Variants in PAWR observed in about 807,000 individuals in gnomAD.
PAWR encodes the protein pro-apoptotic WT1 regulator.
Under a neutral mutation model 32.0 loss-of-function variants are expected in PAWR, and 23 were observed. The observed-to-expected ratio is 0.72, with a 90% confidence interval of 0.52 to 1.02. The LOEUF is 1.02. Among genes scored for constraint, PAWR ranks in the 50% least tolerant of loss-of-function variants. PAWR has a pLI of 0.00. For synonymous variants in PAWR, 226 were observed against 187.1 expected (o/e 1.21, Z -1.70); for missense variants, 457 against 437.7 (o/e 1.04, Z -0.39).
rs1455956803 is a variant in PAWR, at chr12:79,587,600, T to C, written c.*5007A>G. The stretch of plus-strand genomic sequence containing the variant: ...CCCCACCACTAATGTATTTAGACCT[T>C]AATATGATGGCTTTGAGTCTTAAAT... On this transcript the variant is annotated 3_prime_UTR_variant, in exon 7 of 7. Coordinates refer to ENST00000328827, the MANE Select transcript of PAWR (RefSeq NM_002583.4). The C allele has an allele frequency of 6.6e-6, 1 of 152,030 alleles. No homozygotes were observed. Among genetic ancestry groups the C allele is most frequent in the African/African-American group, 2.4e-5 (1 of 41,446 alleles). The allele number at this position is 152,030 out of a possible 1,614,324, so 9.4% of individuals were successfully genotyped here.
chr12:79,644,410 T>C (rs1301366130), intron 2 of PAWR, among the ~76,000 whole-genome samples: 1 of 152,186 alleles, frequency 6.6e-6, no homozygotes, highest in Non-Finnish European at 1.5e-5. Context: ...GAAGTATTCA[T>C]TTACATACCT....
At chr12:79,664,457 T>C (rs775824866) in intron 2 of PAWR, among the ~76,000 whole-genome samples, 1 of 152,256 alleles carries the variant, frequency 6.6e-6, no homozygotes, top group Non-Finnish European at 1.5e-5. Context: ...CCAAAAACTT[T>C]AATACCAAGT....
intron 2 of PAWR, among the ~76,000 whole-genome samples, chr12:79,621,740 T>C (rs187640493): frequency 2.0e-5 from 3 of 152,156 alleles, no homozygotes; most frequent in Admixed American, 2.0e-4. Flanking sequence ...ATGGCTACAA[T>C]TTGGAATTGC....
At position 79,587,569 on chromosome 12, in the gene PAWR, G is replaced by A. The variant is rs1178819050; in HGVS notation, c.*5038C>T. The stretch of plus-strand genomic sequence containing the variant: ...CTTTTGTGCACTTCCTCATTTATTC[G>A]AGAAACCCCACCACTAATGTATTTA... On this transcript the variant is annotated 3_prime_UTR_variant, in exon 7 of 7. Transcript: ENST00000328827. 6.6e-6 allele frequency: 1 copy of A among 151,770 alleles called. No homozygotes were observed. The highest frequency in any genetic ancestry group is 2.4e-5 in the African/African-American group (1 of 41,352). The allele number at this position is 151,770 out of a possible 1,614,324, so 9.4% of individuals were successfully genotyped here. A position where few individuals can be genotyped will look rare whatever the true frequency, so the allele number is the denominator to read the frequency against.
intron 2 of PAWR, among the ~76,000 whole-genome samples, chr12:79,639,293 T>C (rs916017402): frequency 6.6e-6 from 1 of 152,186 alleles, no homozygotes; most frequent in Non-Finnish European, 1.5e-5. Flanking sequence ...TAATAATATC[T>C]AGTAATACCA....
intron 6 of PAWR, among the ~76,000 whole-genome samples, chr12:79,593,249 A>G (rs1255025950): frequency 6.6e-6 from 1 of 152,188 alleles, no homozygotes; most frequent in Non-Finnish European, 1.5e-5. Flanking sequence ...CTTGATCTGG[A>G]TCAATTTTGT....
intron 5 of PAWR, among the ~76,000 whole-genome samples, chr12:79,596,000 AC>A (rs1034547570): frequency 6.6e-6 from 1 of 152,204 alleles, no homozygotes. Flanking sequence ...TCTTTACATA[AC>A]ATATATAAAT....
intron 2 of PAWR, among the ~76,000 whole-genome samples, chr12:79,637,973 G>A (rs1876046562): frequency 6.6e-6 from 1 of 152,044 alleles, no homozygotes. Flanking sequence ...TTTAGTAGCT[G>A]CATAGTATTA....
intron 2 of PAWR, among the ~76,000 whole-genome samples, chr12:79,685,692 A>G (rs919304353): frequency 1.3e-5 from 2 of 152,208 alleles, no homozygotes; most frequent in African/African-American, 4.8e-5. Context: ...TTAGAGGGTC[A>G]GAGGCAATCT....
chr12:79,660,868 G>A (rs1224354676), intron 2 of PAWR, among the ~76,000 whole-genome samples: 2 of 151,738 alleles, frequency 1.3e-5, no homozygotes, highest in African/African-American at 4.8e-5. Flanking sequence ...ACAGGCGAGA[G>A]CCATTGCGGC....
At chr12:79,653,597 A>G (rs1876958253) in intron 2 of PAWR, among the ~76,000 whole-genome samples, 1 of 152,164 alleles carries the variant, frequency 6.6e-6, no homozygotes, top group Non-Finnish European at 1.5e-5. Flanking sequence ...CTCCTGCCTC[A>G]GCCTCCCGAG....
intron 2 of PAWR, among the ~76,000 whole-genome samples, chr12:79,639,583 A>T (rs1189471194): frequency 6.6e-6 from 1 of 152,152 alleles, no homozygotes; most frequent in Non-Finnish European, 1.5e-5. Flanking sequence ...CTGGACTTCT[A>T]TGCACATCCT....
rs534004617 is a variant in PAWR, at chr12:79,663,215, GT to G, written c.516+26513del. ...CCAGTTACTTACTCTGTATTCTAAG[GT>G]TTTGTACATGGGATATGGAGATTTT... is the stretch of plus-strand genomic sequence containing the variant. On this transcript the variant is annotated intron_variant, in intron 2 of 6. Transcript: ENST00000328827. Among the ~76,000 whole-genome samples the G allele has an allele frequency of 8.5e-5, 13 of 152,282 alleles. No homozygotes were observed. The East Asian group carries it at 2.5e-3, about 29-fold the overall frequency.
chr12:79,664,821 A>G (rs749926836), intron 2 of PAWR, among the ~76,000 whole-genome samples: 1 of 151,916 alleles, frequency 6.6e-6, no homozygotes, highest in Non-Finnish European at 1.5e-5. Flanking sequence ...TCCAAGGCCT[A>G]TACTTGAACA....
chr12:79,626,237 C>G (rs867589838), intron 2 of PAWR, among the ~76,000 whole-genome samples: 2 of 145,324 alleles, frequency 1.4e-5, no homozygotes, highest in Non-Finnish European at 3.0e-5. Context: ...TCAACAGAAA[C>G]TATACAAGCC....
chr12:79,672,312 C>G (rs2136856484), intron 2 of PAWR, among the ~76,000 whole-genome samples: 1 of 152,328 alleles, frequency 6.6e-6, no homozygotes, highest in South Asian at 2.1e-4. Flanking sequence ...ATGACCTGGT[C>G]TTTATCTCTT....
intron 2 of PAWR, among the ~76,000 whole-genome samples, chr12:79,666,903 G>A (rs550017787): frequency 1.1e-4 from 17 of 152,256 alleles, no homozygotes; most frequent in South Asian, 2.1e-4. Flanking sequence ...GAAAAGTTTG[G>A]TGTGAAAGAA....
chr12:79,585,717 A>G lies in PAWR; in HGVS notation c.*6890T>C, dbSNP rs1873368150. The G allele has an allele frequency of 6.6e-6, 1 of 152,292 alleles. No individual in the cohort carries two copies. Among genetic ancestry groups the G allele is most frequent in the African/African-American group, 2.4e-5 (1 of 41,396 alleles). The allele number at this position is 152,292 out of a possible 1,614,324, so 9.4% of individuals were successfully genotyped here. A position where few individuals can be genotyped will look rare whatever the true frequency, so the allele number is the denominator to read the frequency against. Reference sequence around the variant, plus strand: ...TTGCTTCATTGAAACTATATTGATTATTTTTATTTTTGAGGTAGAGTCTTG... The same window carrying G: ...TTGCTTCATTGAAACTATATTGATTGTTTTTATTTTTGAGGTAGAGTCTTG... On this transcript the variant is annotated 3_prime_UTR_variant, in exon 7 of 7. Coordinates refer to ENST00000328827, the MANE Select transcript of PAWR (RefSeq NM_002583.4).
rs552886809 is a variant in PAWR, at chr12:79,632,560, TG to T, written c.517-11354del. Among the ~76,000 whole-genome samples the T allele has an allele frequency of 2.1e-4, 31 of 150,484 alleles. No homozygotes were observed. The East Asian group carries it at 5.8e-3, about 28-fold the overall frequency. On this transcript the variant is annotated intron_variant, in intron 2 of 6. Transcript: ENST00000328827. ...TGTTTTGTTTAGTTTTTTGTAGAAA[TG>T]GGGTTTTGCTGTTGCCCAGACTAGT...
Sources: gnomAD v4.1 joint callset for allele counts (sites outside exome capture counted in the v4.1 genomes callset) on GRCh38, gnomAD v4.1.1 for gene constraint, MANE v1.5 for transcripts, NCBI Gene and HGNC (gene_info 2026-07-23, HGNC 2026-07-21) for gene names.